The following YY2 variants were observed in gnomAD, a reference collection of about 807,000 sequenced individuals.
YY2 encodes the protein transcription factor YY2.
For synonymous variants in YY2, 157 were observed against 131.2 expected, an observed-to-expected ratio of 1.20 and a Z score of -1.35; for missense variants, 254 against 305.3, an observed-to-expected ratio of 0.83 and a Z score of 1.25.
chrX:21,856,348 CTGCAGCTCGCGCCTT>C lies in YY2; in HGVS notation c.-135_-121del, dbSNP rs1411564173. ...CTTTCTCTGCAGCTCGCGCCTTTCT[CTGCAGCTCGCGCCTT>C]TCTCTGCAGCTCGCCCCTTCCTCTG... is the stretch of plus-strand genomic sequence containing the variant. On this transcript the variant is annotated 5_prime_UTR_variant, in exon 1 of 1. Transcript: ENST00000429584. 1.5e-5 allele frequency: 9 copies of C among 593,405 alleles called. No homozygotes were observed. The highest frequency in any genetic ancestry group is 5.6e-5 in the South Asian group (2 of 35,689). The allele number at this position is 593,405 out of a possible 1,213,427, so 48.9% of individuals were successfully genotyped here.
In YY2 at chrX:21,856,981, C is replaced by A. The variant is rs891364185; in HGVS notation, c.497C>A (p.Thr166Lys). The A allele has an allele frequency of 5.0e-6, 6 of 1,211,785 alleles. No homozygotes were observed. Among genetic ancestry groups the A allele is most frequent in the Non-Finnish European group, 6.7e-6 (6 of 895,569 alleles). The change falls in exon 1 of 1, where the codon ACG becomes AAG. Residue 166 changes from threonine to lysine, a missense_variant. Coordinates refer to ENST00000429584, the MANE Select transcript of YY2 (RefSeq NM_206923.4). ...GCAGGCAGCAGCTCCAGCCTGGGCA[C>A]GAGGAAGTGGGAGCAGAAGCAAATG... ...NPAGSSSSLG[T>K]RKWEQKQMQV... is the part of the protein sequence containing the mutation.
chrX:21,857,516 C>G lies in YY2; in HGVS notation c.1032C>G (p.Pro344=). 8.3e-7 allele frequency: 1 copy of G among 1,212,055 alleles called. No homozygotes were observed. Among genetic ancestry groups the G allele is most frequent in the Non-Finnish European group, 1.1e-6 (1 of 895,605 alleles). Residue 344 remains proline (P), a synonymous_variant, in exon 1 of 1, where the codon CCC becomes CCG. Coordinates refer to ENST00000429584, the MANE Select transcript of YY2 (RefSeq NM_206923.4). ...IHTGDKPFVC[P]FDVCNRKFAQ... ...CCGGCGATAAGCCCTTCGTGTGCCC[C>G]TTCGATGTTTGCAACAGGAAGTTCG...
Position 21,858,625 on chromosome X carries a change from C to T in YY2, c.*1022C>T, listed in dbSNP as rs760124960. ...GCCAATAGTGTCAGGTGCAGGGGCT[C>T]AGGCCTGTAATGTCAACACTTTGGG... On this transcript the variant is annotated 3_prime_UTR_variant, in exon 1 of 1. Transcript: ENST00000429584. 312 of 122,648 alleles carry T rather than the reference C, an allele frequency of 2.5e-3. No homozygotes were observed. Among genetic ancestry groups the T allele is most frequent in the Middle Eastern group, 9.3e-3 (2 of 215 alleles). The allele number at this position is 122,648 out of a possible 1,213,427, so 10.1% of individuals were successfully genotyped here.
chrX:21,856,197 G>C lies in YY2; in HGVS notation c.-288G>C, dbSNP rs1462191226. Reference sequence around the variant, plus strand: ...GGCACGTGCACGTGCTTTTGGGGCCGACAGACGCGCCAGTTGCCTAGGCGC... The same window carrying C: ...GGCACGTGCACGTGCTTTTGGGGCCCACAGACGCGCCAGTTGCCTAGGCGC... On this transcript the variant is annotated 5_prime_UTR_variant, in exon 1 of 1. Transcript: ENST00000429584. The C allele has an allele frequency of 1.3e-5, 4 of 309,957 alleles. No individual in the cohort carries two copies. Among genetic ancestry groups the C allele is most frequent in the Non-Finnish European group, 2.3e-5 (4 of 177,768 alleles). The allele number at this position is 309,957 out of a possible 1,213,427, so 25.5% of individuals were successfully genotyped here.
Position 21,856,679 on chromosome X carries a change from C to T in YY2, c.195C>T (p.Leu65=). ...CGCCATTGATGGTGTTGCAGCCGCT[C>T]TTCACGAACACGGGCTATGGCGACC... ...NHPPLMVLQP[L]FTNTGYGDHD... The change falls in exon 1 of 1, where the codon CTC becomes CTT. Residue 65 remains leucine (L), a synonymous_variant. Transcript: ENST00000429584. The T allele has an allele frequency of 8.3e-7, 1 of 1,211,968 alleles. No individual in the cohort carries two copies. The highest frequency in any genetic ancestry group is 1.1e-6 in the Non-Finnish European group (1 of 895,619).
At position 21,857,438 on chromosome X, in the gene YY2, C is replaced by T; in HGVS notation, c.954C>T (p.Cys318=). Residue 318 remains cysteine (C), a synonymous_variant, in exon 1 of 1, where the codon TGC becomes TGT. Coordinates refer to ENST00000429584, the MANE Select transcript of YY2 (RefSeq NM_206923.4). ...CCTTTCAGTGCACATTCGAAGGCTG[C>T]GGGAAACGCTTTTCCCTTGATTTCA... ...EKPFQCTFEG[C]GKRFSLDFNL... The T allele has an allele frequency of 8.3e-7, 1 of 1,211,985 alleles. No homozygotes were observed. The highest frequency in any genetic ancestry group is 1.1e-6 in the Non-Finnish European group (1 of 895,561).
rs1243654909 is a variant in YY2 at position 21,856,823 on chromosome X, C to T, written c.339C>T (p.Asp113=). ...DQLALPDSIE[D]EHFQMTLASL... ...TGGCCCTCCCGGATAGCATTGAAGA[C>T]GAGCACTTCCAGATGACCCTGGCCT... The change falls in exon 1 of 1, where the codon GAC becomes GAT. Residue 113 remains aspartate (D), a synonymous_variant. Transcript: ENST00000429584. 1.7e-6 allele frequency: 2 copies of T among 1,211,705 alleles called. No individual in the cohort carries two copies. Among genetic ancestry groups the T allele is most frequent in the Non-Finnish European group, 2.2e-6 (2 of 895,558 alleles).
At position 21,857,861 on chromosome X, in the gene YY2, A is replaced by G. The variant is rs2092925566; in HGVS notation, c.*258A>G. On this transcript the variant is annotated 3_prime_UTR_variant, in exon 1 of 1. Transcript: ENST00000429584. ...TATTTTTGTAAAGTTTGGTCCCAACAGGAGAAAAATTCGTAGACTTCACAT... is the reference window on the plus strand; with the variant it reads ...TATTTTTGTAAAGTTTGGTCCCAACGGGAGAAAAATTCGTAGACTTCACAT... 1 of 284,937 alleles carries G rather than the reference A, an allele frequency of 3.5e-6. No homozygotes were observed. Among genetic ancestry groups the G allele is most frequent in the Non-Finnish European group, 6.3e-6 (1 of 159,399 alleles). The allele number at this position is 284,937 out of a possible 1,213,427, so 23.5% of individuals were successfully genotyped here.
chrX:21,857,631 G>A lies in YY2; in HGVS notation c.*28G>A. The stretch of plus-strand genomic sequence containing the variant: ...AGGAGAAGACCCCTCTCAGACTTGG[G>A]AATTATCTTCCAGGACTGCGGTAGG... On this transcript the variant is annotated 3_prime_UTR_variant, in exon 1 of 1. Coordinates refer to ENST00000429584, the MANE Select transcript of YY2 (RefSeq NM_206923.4). 2 of 1,174,935 alleles carry A rather than the reference G, an allele frequency of 1.7e-6. No homozygotes were observed. The highest frequency in any genetic ancestry group is 2.3e-6 in the Non-Finnish European group (2 of 875,962).
Position 21,857,154 on chromosome X carries a change from T to A in YY2, c.670T>A (p.Leu224Ile). Reference protein sequence around the residue: ...LKGKKLPPGGLPGIDLSDPKQ... With the variant: ...LKGKKLPPGGIPGIDLSDPKQ... ...AGGGAAGAAACTTCCTCCTGGGGGG[T>A]TACCAGGCATTGATCTCTCAGATCC... The change falls in exon 1 of 1, where the codon TTA (leucine) becomes ATA (isoleucine). Residue 224 changes from leucine to isoleucine, a missense_variant. Coordinates refer to ENST00000429584, the MANE Select transcript of YY2 (RefSeq NM_206923.4). 8.3e-7 allele frequency: 1 copy of A among 1,211,306 alleles called. No homozygotes were observed. Among genetic ancestry groups the A allele is most frequent in the Non-Finnish European group, 1.1e-6 (1 of 895,366 alleles).
Position 21,856,961 on chromosome X carries a change from C to T in YY2, c.477C>T (p.Gly159=). 3 of 1,212,016 alleles carry T rather than the reference C, an allele frequency of 2.5e-6. No individual in the cohort carries two copies. The highest frequency in any genetic ancestry group is 3.3e-6 in the Non-Finnish European group (3 of 895,626). The change falls in exon 1 of 1, where the codon GGC becomes GGT. Residue 159 remains glycine (G), a synonymous_variant. Coordinates refer to ENST00000429584, the MANE Select transcript of YY2 (RefSeq NM_206923.4). ...SATSTEANPA[G]SSSSLGTRKW... ...CCAGCACTGAGGCCAACCCGGCAGGCAGCAGCTCCAGCCTGGGCACGAGGA... is the reference window on the plus strand; with the variant it reads ...CCAGCACTGAGGCCAACCCGGCAGGTAGCAGCTCCAGCCTGGGCACGAGGA...
In YY2 at chrX:21,856,676, G is replaced by A. The variant is rs773669593; in HGVS notation, c.192G>A (p.Pro64=). 4 of 1,210,049 alleles carry A rather than the reference G, an allele frequency of 3.3e-6. No homozygotes were observed. The African/African-American group carries it at 5.2e-5, about 16-fold the overall frequency. ...ATCCGCCATTGATGGTGTTGCAGCC[G>A]CTCTTCACGAACACGGGCTATGGCG... The part of the protein sequence containing the change: ...HNHPPLMVLQ[P]LFTNTGYGDH... Residue 64 remains proline (P), a synonymous_variant, in exon 1 of 1, where the codon CCG becomes CCA. Coordinates refer to ENST00000429584, the MANE Select transcript of YY2 (RefSeq NM_206923.4).
At position 21,856,352 on chromosome X, in the gene YY2, AGCTCGCGCCTTTCTCTGCAGCTCG is replaced by A. The variant is rs2092922083; in HGVS notation, c.-132_-109del. The stretch of plus-strand genomic sequence containing the variant: ...CTCTGCAGCTCGCGCCTTTCTCTGC[AGCTCGCGCCTTTCTCTGCAGCTCG>A]CCCCTTCCTCTGCAGCTCGCCCCTT... On this transcript the variant is annotated 5_prime_UTR_variant, in exon 1 of 1. Coordinates refer to ENST00000429584, the MANE Select transcript of YY2 (RefSeq NM_206923.4). 3.3e-6 allele frequency: 2 copies of A among 611,018 alleles called. No homozygotes were observed. Among genetic ancestry groups the A allele is most frequent in the Non-Finnish European group, 5.1e-6 (2 of 395,564 alleles). The allele number at this position is 611,018 out of a possible 1,213,427, so 50.4% of individuals were successfully genotyped here.
chrX:21,856,593 A>C lies in YY2; in HGVS notation c.109A>C (p.Thr37Pro), dbSNP rs376273108. Reference protein sequence around the residue: ...VEPLPMEDIPTESVQYEDVDG... With the variant: ...VEPLPMEDIPPESVQYEDVDG... ...GCCCCTTCCTATGGAGGACATTCCG[A>C]CGGAAAGCGTCCAGTACGAGGATGT... Residue 37 changes from threonine to proline, a missense_variant, in exon 1 of 1, where the codon ACG (threonine) becomes CCG (proline). By Grantham distance (38) the Thr-to-Pro change is conservative. Coordinates refer to ENST00000429584, the MANE Select transcript of YY2 (RefSeq NM_206923.4). 4 of 1,211,818 alleles carry C rather than the reference A, an allele frequency of 3.3e-6. No individual in the cohort carries two copies. Among genetic ancestry groups the C allele is most frequent in the Non-Finnish European group, 3.3e-6 (3 of 895,545 alleles).
rs1169948298 is a variant in YY2, at chrX:21,857,363, T to G, written c.879T>G (p.Leu293=). ...GTGCAGAATGTGGCAAAGCTTTTCT[T>G]GAGAGCTCAAAGCTGAGACGACACC... ...HVCAECGKAF[L]ESSKLRRHQL... The change falls in exon 1 of 1, where the codon CTT becomes CTG. Residue 293 remains leucine, a synonymous_variant. Transcript: ENST00000429584. The G allele has an allele frequency of 8.3e-7, 1 of 1,210,884 alleles. No homozygotes were observed.
rs755435591 is a variant in YY2 at position 21,856,800 on chromosome X, G to C, written c.316G>C (p.Ala106Pro). 1.7e-6 allele frequency: 2 copies of C among 1,211,792 alleles called. No individual in the cohort carries two copies. The highest frequency in any genetic ancestry group is 4.3e-5 in the Admixed American group (2 of 46,045). Residue 106 changes from alanine (A) to proline (P), a missense_variant, in exon 1 of 1, where the codon GCC (alanine) becomes CCC (proline). Ala to Pro is a conservative substitution (Grantham distance 27). Transcript: ENST00000429584. Reference protein sequence around the residue: ...QLGNDLEDQLALPDSIEDEHF... With the variant: ...QLGNDLEDQLPLPDSIEDEHF... ...AGGCAACGACTTGGAGGACCAGTTG[G>C]CCCTCCCGGATAGCATTGAAGACGA...
At position 21,856,992 on chromosome X, in the gene YY2, G is replaced by A. The variant is rs2092923838; in HGVS notation, c.508G>A (p.Glu170Lys). Residue 170 changes from glutamate to lysine, a missense_variant, in exon 1 of 1, where the codon GAG becomes AAG. Physicochemically the swap from Glu to Lys is moderately conservative, Grantham distance 56. Coordinates refer to ENST00000429584, the MANE Select transcript of YY2 (RefSeq NM_206923.4). ...SSSSLGTRKWEQKQMQVKTLE... is the reference protein window; with the variant it reads ...SSSSLGTRKWKQKQMQVKTLE... ...CTCCAGCCTGGGCACGAGGAAGTGG[G>A]AGCAGAAGCAAATGCAGGTCAAAAC... 1 of 1,210,566 alleles carries A rather than the reference G, an allele frequency of 8.3e-7. No homozygotes were observed. The highest frequency in any genetic ancestry group is 1.7e-5 in the African/African-American group (1 of 57,263).
chrX:21,858,710 C>A lies in YY2; in HGVS notation c.*1107C>A, dbSNP rs1334135193. On this transcript the variant is annotated 3_prime_UTR_variant, in exon 1 of 1. Transcript: ENST00000429584. ...TTGAACATCAGCCTGGGCAACATGG[C>A]ATAACTCGGTCTCTACCAAAAATAA... 1 of 120,039 alleles carries A rather than the reference C, an allele frequency of 8.3e-6. No individual in the cohort carries two copies. The highest frequency in any genetic ancestry group is 1.9e-5 in the Non-Finnish European group (1 of 52,599). 9.9% of individuals were successfully genotyped at this position (120,039 alleles called of 1,213,427 possible).
In YY2 at chrX:21,857,590, A is replaced by G; in HGVS notation, c.1106A>G (p.Lys369Arg). The change falls in exon 1 of 1, where the codon AAA (lysine) becomes AGA (arginine). Residue 369 changes from lysine to arginine, a missense_variant. Coordinates refer to ENST00000429584, the MANE Select transcript of YY2 (RefSeq NM_206923.4). ...KTHILTHVKT[K>R]NNP ...CACATATTAACGCATGTGAAGACCA[A>G]AAACAACCCGTGAAAAGGAGAAGAC... 1 of 1,204,094 alleles carries G rather than the reference A, an allele frequency of 8.3e-7. No homozygotes were observed. The highest frequency in any genetic ancestry group is 1.1e-6 in the Non-Finnish European group (1 of 890,981).
Sources: allele counts gnomAD v4.1 joint callset, GRCh38; gene constraint gnomAD v4.1.1; transcripts MANE v1.5; gene names NCBI Gene and HGNC (gene_info 2026-07-23, HGNC 2026-07-21).